USP24: variants seen among roughly 807,000 people sequenced by gnomAD.
USP24 encodes the protein ubiquitin carboxyl-terminal hydrolase 24.
In USP24, 97 loss-of-function variants were observed where a neutral mutation model predicts 361.6. The ratio of observed to expected loss-of-function variants is 0.27; its 90% CI spans 0.23 to 0.32. The LOEUF (loss-of-function observed/expected upper bound fraction) is 0.32, where lower values mean the gene tolerates loss of function less well. Among genes scored for constraint, USP24 ranks in the 10% least tolerant of loss-of-function variants. The pLI, the probability that USP24 is intolerant of heterozygous loss-of-function variation, is 1.00. For synonymous variants in USP24, 1,098 were observed against 1,124.6 expected, an observed-to-expected ratio of 0.98 and a Z score of 0.47; for missense variants, 2,353 against 3,165.6, an observed-to-expected ratio of 0.74 and a Z score of 6.16.
chr1:55,134,503 C>A, intron 28 of USP24, 90 bp from the exon 29 acceptor site: 1 of 1,145,350 alleles, frequency 8.7e-7, no homozygotes, highest in South Asian at 1.4e-5. Context: ...AATACTAGTT[C>A]TGAAAGGCTG....
intron 38 of USP24, among the ~76,000 whole-genome samples, chr1:55,116,395 A>C (rs1646116699): frequency 6.6e-6 from 1 of 152,080 alleles, no homozygotes; most frequent in South Asian, 2.1e-4. Context: ...CTTTGAATGA[A>C]AAGATGAACA....
At chr1:55,093,067 T>C (rs776553891) in intron 52 of USP24, among the ~76,000 whole-genome samples, 151 bp from the exon 53 acceptor site, 1 of 152,216 alleles carries the variant, frequency 6.6e-6, no homozygotes, top group Non-Finnish European at 1.5e-5. Context: ...TTTTGAACTT[T>C]TAAAAGAGGA....
rs550491846 is a variant in USP24, at chr1:55,144,672, A to C, written c.2363-469T>G. ...AGATTTGGCCGGGTGCGGTGGCTCA[A>C]GCCTGTAATCTCAGCACTGTGGGAG... On this transcript the variant is annotated intron_variant, in intron 20 of 67. Transcript: ENST00000294383. 2.6e-5 allele frequency among the ~76,000 whole-genome samples: 4 copies of C among 152,306 alleles called. No homozygotes were observed. The South Asian group carries it at 8.3e-4, about 32-fold the overall frequency.
In USP24 at chr1:55,215,331, G is replaced by A. The variant is rs1327756066; in HGVS notation, c.-218C>T. On this transcript the variant is annotated 5_prime_UTR_variant, in exon 1 of 68. Coordinates refer to ENST00000294383, the MANE Select transcript of USP24 (RefSeq NM_015306.3). Reference sequence around the variant, plus strand: ...AGGCGCTCAGGCGCGGCTGCGGCCCGGCCCAGCCCTGCGCGCCGCCATGTT... The same window carrying A: ...AGGCGCTCAGGCGCGGCTGCGGCCCAGCCCAGCCCTGCGCGCCGCCATGTT... 6.6e-6 allele frequency among the ~76,000 whole-genome samples: 1 copy of A among 151,848 alleles called. No homozygotes were observed. The highest frequency in any genetic ancestry group is 2.4e-5 in the African/African-American group (1 of 41,392).
At chr1:55,197,205 G>C (rs990748612) in intron 1 of USP24, among the ~76,000 whole-genome samples, 1 of 152,064 alleles carries the variant, frequency 6.6e-6, no homozygotes, top group Non-Finnish European at 1.5e-5. Context: ...GGCCTTCCTT[G>C]AATAATCTAC....
rs553135655 is a variant in USP24 at position 55,167,840 on chromosome 1, G to C, written c.826-1237C>G. On this transcript the variant is annotated intron_variant, in intron 5 of 67. Transcript: ENST00000294383. ...AGATGATGATGTTATTTACTAAAAA[G>C]GAGAATAAAGGCTGGAGAGGCAAAA... 6.6e-5 allele frequency among the ~76,000 whole-genome samples: 10 copies of C among 152,268 alleles called. No individual in the cohort carries two copies. In the East Asian group the frequency reaches 1.9e-3, roughly 29 times the overall value.
chr1:55,072,620 T>C (rs1005718807), intron 65 of USP24, among the ~76,000 whole-genome samples, 166 bp downstream of exon 65: 3 of 152,220 alleles, frequency 2.0e-5, no homozygotes, highest in African/African-American at 7.2e-5. Flanking sequence ...ACATATGTAT[T>C]AGGACAAATT....
At chr1:55,094,974 GC>G (rs565400165) in intron 51 of USP24, among the ~76,000 whole-genome samples, 1,812 of 152,244 alleles carry the variant, frequency 0.012, 40 homozygotes, top group African/African-American at 0.042. Context: ...CTGCACTCCA[GC>G]CTGGGTGACA....
rs1314815835 is a variant in USP24, at chr1:55,157,369, A to G, written c.1229T>C (p.Val410Ala). The G allele has an allele frequency of 5.2e-6, 8 of 1,532,960 alleles. No individual in the cohort carries two copies. Among genetic ancestry groups the G allele is most frequent in the Non-Finnish European group, 7.1e-6 (8 of 1,127,716 alleles). 95.0% of individuals were successfully genotyped at this position (1,532,960 alleles called of 1,614,324 possible). The change falls in exon 11 of 68, where the codon GTA (valine) becomes GCA (alanine). Residue 410 changes from valine to alanine, a missense_variant and splice_region_variant. Physicochemically the swap from Val to Ala is moderately conservative, Grantham distance 64. This residue lies in a region of USP24 where 386 missense variants were observed against 560.5 expected (regional missense o/e 0.69). Coordinates refer to ENST00000294383, the MANE Select transcript of USP24 (RefSeq NM_015306.3). Reference sequence around the variant, plus strand: ...AGTGCTATCTTCTATTAGTTTGGTTACCTAAAAAGATAAGATTATTGTGAC... The same window carrying G: ...AGTGCTATCTTCTATTAGTTTGGTTGCCTAAAAAGATAAGATTATTGTGAC... ...FSAKMNSLKE[V>A]TKLIEDSTLS...
In USP24 at chr1:55,072,372, T is replaced by C; in HGVS notation, c.7634A>G (p.Asn2545Ser). The C allele has an allele frequency of 6.2e-7, 1 of 1,613,760 alleles. No homozygotes were observed. Among genetic ancestry groups the C allele is most frequent in the South Asian group, 1.1e-5 (1 of 91,026 alleles). Reference sequence around the variant, plus strand: ...TCCAGTTGATGTTTCATTAGAGACATTACTCTGTGGTGTCCAGTAATGTTC... The same window carrying C: ...TCCAGTTGATGTTTCATTAGAGACACTACTCTGTGGTGTCCAGTAATGTTC... Reference protein sequence around the residue: ...MSEHYWTPQSNVSNETSTGKT... With the variant: ...MSEHYWTPQSSVSNETSTGKT... Residue 2545 changes from asparagine (N) to serine (S), a missense_variant, in exon 66 of 68, where the codon AAT becomes AGT. By Grantham distance (46) the Asn-to-Ser change is conservative (BLOSUM62 1). Transcript: ENST00000294383.
intron 34 of USP24, among the ~76,000 whole-genome samples, 199 bp downstream of exon 34, chr1:55,125,121 T>C (rs1646390154): frequency 6.6e-6 from 1 of 151,926 alleles, no homozygotes; most frequent in South Asian, 2.1e-4. Flanking sequence ...ATGCTTTGTC[T>C]TGTAGTTTTA....
At chr1:55,091,394 T>G (rs1165284) in intron 54 of USP24, among the ~76,000 whole-genome samples, 112,850 of 151,980 alleles carry the variant, frequency 0.74, 43,170 homozygotes, top group East Asian at 0.96. Flanking sequence ...CCCTCCCTTT[T>G]GTGGAAAAAT....
intron 63 of USP24, 89 bp downstream of exon 63, chr1:55,075,368 C>A: frequency 7.9e-7 from 1 of 1,265,906 alleles, no homozygotes. Context: ...TAGATCCCAC[C>A]GAGAGTAGCA....
At chr1:55,185,868 C>T (rs1379133128) in intron 1 of USP24, among the ~76,000 whole-genome samples, 1 of 152,114 alleles carries the variant, frequency 6.6e-6, no homozygotes, top group Non-Finnish European at 1.5e-5. Context: ...CTCGCCAGGC[C>T]AAGAAAACAT....
intron 38 of USP24, among the ~76,000 whole-genome samples, chr1:55,118,029 C>T (rs1048639207): frequency 4.6e-5 from 7 of 152,090 alleles, no homozygotes; most frequent in African/African-American, 1.7e-4. Flanking sequence ...GATTGAAAGA[C>T]AAAATCTTGT....
chr1:55,143,555 T>C (rs1022815925), intron 21 of USP24, among the ~76,000 whole-genome samples: 1 of 152,072 alleles, frequency 6.6e-6, no homozygotes, highest in Non-Finnish European at 1.5e-5. Flanking sequence ...CCAGGGCTTG[T>C]AAAATCTTGT....
intron 58 of USP24, 53 bp downstream of exon 58, chr1:55,083,219 A>G: frequency 5.1e-6 from 8 of 1,556,388 alleles, no homozygotes; most frequent in Non-Finnish European, 7.1e-6. Context: ...AAAGAAACAC[A>G]GCGGCTATGA....
chr1:55,078,655 G>T lies in USP24; in HGVS notation c.7201-4C>A. The T allele has an allele frequency of 6.2e-7, 1 of 1,600,142 alleles. No individual in the cohort carries two copies. ...GCTCCCGCAAAGCAAACATTACCTGGTGGGAAGACATAACACAGTCAGCTA... is the reference window on the plus strand; with the variant it reads ...GCTCCCGCAAAGCAAACATTACCTGTTGGGAAGACATAACACAGTCAGCTA... On this transcript the variant is annotated splice_polypyrimidine_tract_variant and splice_region_variant and intron_variant, in intron 60 of 67. Coordinates refer to ENST00000294383, the MANE Select transcript of USP24 (RefSeq NM_015306.3).
intron 1 of USP24, among the ~76,000 whole-genome samples, chr1:55,200,091 C>T (rs1013136347): frequency 1.3e-5 from 2 of 152,230 alleles, no homozygotes; most frequent in African/African-American, 2.4e-5. Context: ...CTGGGTCCCT[C>T]GCACAACACG....
Sources: gnomAD v4.1 joint callset for allele counts (sites outside exome capture counted in the v4.1 genomes callset) on GRCh38, gnomAD v4.1.1 for gene constraint, gnomAD v4.1.1 regional missense constraint, MANE v1.5 for transcripts, NCBI Gene and HGNC (gene_info 2026-07-23, HGNC 2026-07-21) for gene names.